The following RUNX2 variants were observed in gnomAD, a reference collection of about 807,000 sequenced individuals.
The protein encoded by RUNX2 is runt-related transcription factor 2.
In RUNX2, 10 loss-of-function variants were observed where a neutral mutation model predicts 51.7. The ratio of observed to expected loss-of-function variants is 0.19; its 90% CI spans 0.12 to 0.33. RUNX2 has a LOEUF of 0.33. Ranked by LOEUF, RUNX2 falls within the 10% of genes least tolerant of loss-of-function variation. The pLI is 1.00. For missense variants in RUNX2, 562 were observed against 691.3 expected, an observed-to-expected ratio of 0.81 and a Z score of 2.10; for synonymous variants, 276 against 273.6, an observed-to-expected ratio of 1.01 and a Z score of -0.09.
chr6:45,440,018 G>A (rs1029128001), intron 5 of RUNX2, among the ~76,000 whole-genome samples: 1 of 152,236 alleles, frequency 6.6e-6, no homozygotes, highest in South Asian at 2.1e-4. Context: ...CTGAGTTCAA[G>A]CTTTGTGTGG....
At chr6:45,378,963 C>T (rs1347019780) in intron 2 of RUNX2, among the ~76,000 whole-genome samples, 1 of 152,170 alleles carries the variant, frequency 6.6e-6, no homozygotes, top group African/African-American at 2.4e-5. Flanking sequence ...TATAGGGATT[C>T]AAGTATTAAC....
rs146401592 is a variant in RUNX2 at position 45,344,436 on chromosome 6, GT to G, written c.58+15662del. Among the ~76,000 whole-genome samples, 55 of 147,612 alleles carry G rather than the reference GT, an allele frequency of 3.7e-4. No individual in the cohort carries two copies. The East Asian group carries it at 7.3e-3, about 20-fold the overall frequency. ...GCTTTATTGTTTTCATTCTCTGATG[GT>G]TTTTTTTTTCATTCATGTCCAAATG... On this transcript the variant is annotated intron_variant, in intron 2 of 8. Transcript: ENST00000647337.
At chr6:45,391,011 C>A (rs1268374324) in intron 2 of RUNX2, among the ~76,000 whole-genome samples, 1 of 152,166 alleles carries the variant, frequency 6.6e-6, no homozygotes, top group Non-Finnish European at 1.5e-5. Flanking sequence ...TGAAGCGTCT[C>A]TCACAATTAA....
chr6:45,492,098 A>G lies in RUNX2; in HGVS notation c.843A>G (p.Gly281=). Residue 281 remains glycine, a synonymous_variant, in exon 6 of 9, where the codon GGA becomes GGG. Coordinates refer to ENST00000647337, the MANE Select transcript of RUNX2 (RefSeq NM_001024630.4). ...NSAPSPFNPQ[G]QSQITDPRQA... ...CACCAAGTCCTTTTAATCCACAAGG[A>G]CAGAGTCAGATTACAGGTAAGACAG... The G allele has an allele frequency of 6.2e-7, 1 of 1,613,718 alleles. No homozygotes were observed. Among genetic ancestry groups the G allele is most frequent in the Non-Finnish European group, 8.5e-7 (1 of 1,179,816 alleles).
chr6:45,481,728 G>A (rs983678890), intron 5 of RUNX2, among the ~76,000 whole-genome samples: 2 of 152,172 alleles, frequency 1.3e-5, no homozygotes, highest in African/African-American at 4.8e-5. Flanking sequence ...TTTGCTCCAC[G>A]TTTTCTTCTT....
chr6:45,495,739 G>A (rs1161720181), intron 6 of RUNX2, among the ~76,000 whole-genome samples: 3 of 152,186 alleles, frequency 2.0e-5, no homozygotes, highest in African/African-American at 7.2e-5. Context: ...TAAACTCCCA[G>A]AAGAGTGAAG....
At chr6:45,538,097 A>G (rs1307591114) in intron 7 of RUNX2, among the ~76,000 whole-genome samples, 1 of 152,184 alleles carries the variant, frequency 6.6e-6, no homozygotes, top group East Asian at 1.9e-4. Flanking sequence ...CCTTCCTATC[A>G]GTTAGGCTTT....
intron 2 of RUNX2, among the ~76,000 whole-genome samples, chr6:45,367,193 T>C (rs1388226691): frequency 6.6e-6 from 1 of 152,180 alleles, no homozygotes; most frequent in Non-Finnish European, 1.5e-5. Flanking sequence ...AATATCCCTC[T>C]GGTCTAGTCT....
chr6:45,527,938 T>A (rs1479172413), intron 7 of RUNX2, among the ~76,000 whole-genome samples: 3 of 152,040 alleles, frequency 2.0e-5, no homozygotes, highest in African/African-American at 7.2e-5. Context: ...AAGAACTGAG[T>A]AATTTATAAA....
chr6:45,545,424 T>G, intron 8 of RUNX2, 142 bp downstream of exon 8: 1 of 902,844 alleles, frequency 1.1e-6, no homozygotes, highest in Admixed American at 2.9e-5. Flanking sequence ...ATCATGGCAC[T>G]TAACCCTTGC....
intron 4 of RUNX2, among the ~76,000 whole-genome samples, chr6:45,437,424 G>T (rs933150638): frequency 2.0e-4 from 30 of 152,166 alleles, no homozygotes; most frequent in African/African-American, 5.6e-4. Flanking sequence ...ACTGGCTCCT[G>T]TTAAAATGAT....
chr6:45,404,256 T>C, intron 2 of RUNX2, among the ~76,000 whole-genome samples: 1 of 59,552 alleles, frequency 1.7e-5, no homozygotes. Context: ...CAAGACTCTG[T>C]CTCAAAAAAA....
intron 4 of RUNX2, among the ~76,000 whole-genome samples, chr6:45,435,595 C>T (rs796950166): frequency 2.6e-5 from 4 of 152,206 alleles, no homozygotes; most frequent in African/African-American, 9.6e-5. Context: ...TGACCTCAGG[C>T]GATCTGCCCT....
At chr6:45,430,447 G>C (rs1295897208) in intron 3 of RUNX2, among the ~76,000 whole-genome samples, 1 of 152,158 alleles carries the variant, frequency 6.6e-6, no homozygotes, top group Non-Finnish European at 1.5e-5. Context: ...AGAAAAGTAA[G>C]GGTGACAAAA....
intron 2 of RUNX2, among the ~76,000 whole-genome samples, chr6:45,369,945 C>G (rs1454742560): frequency 6.6e-6 from 1 of 152,026 alleles, no homozygotes; most frequent in Non-Finnish European, 1.5e-5. Context: ...GCCAGTGTGG[C>G]TAGAAAGATA....
Position 45,546,817 on chromosome 6 carries a change from T to C in RUNX2, c.1088-10T>C, listed in dbSNP as rs1234361231. The stretch of plus-strand genomic sequence containing the variant: ...AGATTTTTCCCTCCATCTTCTGTTA[T>C]AATTTTTAGGTGCTTCAGAACTGGG... On this transcript the variant is annotated splice_polypyrimidine_tract_variant and intron_variant, in intron 8 of 8. Transcript: ENST00000647337. 2 of 1,603,870 alleles carry C rather than the reference T, an allele frequency of 1.2e-6. No individual in the cohort carries two copies. The highest frequency in any genetic ancestry group is 2.2e-5 in the East Asian group (1 of 44,816).
chr6:45,514,116 A>T (rs1407939545), intron 7 of RUNX2, among the ~76,000 whole-genome samples: 3 of 152,086 alleles, frequency 2.0e-5, no homozygotes, highest in African/African-American at 7.2e-5. Context: ...CTCTAGCAGT[A>T]CCTACAAGAA....
chr6:45,347,896 A>G (rs1333088535), intron 2 of RUNX2, among the ~76,000 whole-genome samples: 3 of 152,124 alleles, frequency 2.0e-5, no homozygotes, highest in African/African-American at 7.2e-5. Context: ...ACAGAATGTC[A>G]GTATGGTTAC....
At chr6:45,454,943 G>A (rs943617795) in intron 5 of RUNX2, among the ~76,000 whole-genome samples, 4 of 152,188 alleles carry the variant, frequency 2.6e-5, no homozygotes, top group East Asian at 3.9e-4. Flanking sequence ...GTGAAACCCC[G>A]TCTCTACTAA....
Sources: allele counts gnomAD v4.1 joint callset (sites outside exome capture counted in the v4.1 genomes callset), GRCh38; gene constraint gnomAD v4.1.1; transcripts MANE v1.5; gene names NCBI Gene and HGNC (gene_info 2026-07-23, HGNC 2026-07-21).